PKHD1L1: variants seen among roughly 807,000 people sequenced by gnomAD.
The protein encoded by PKHD1L1 is PKHD1 like 1.
PKHD1L1 carries 434 observed loss-of-function variants against 462.9 expected under a neutral mutation model. That is an observed-to-expected ratio of 0.94 (90% CI 0.87 to 1.02). The LOEUF (loss-of-function observed/expected upper bound fraction) is 1.02. Among genes scored for constraint, PKHD1L1 ranks in the 50% least tolerant of loss-of-function variants. PKHD1L1 has a pLI of 0.00. For missense variants in PKHD1L1, 5,202 were observed against 5,096.1 expected (o/e 1.02, Z -0.63); for synonymous variants, 1,781 against 1,750.0 (o/e 1.02, Z -0.44).
intron 10 of PKHD1L1, among the ~76,000 whole-genome samples, chr8:109,395,373 C>T (rs73700876): frequency 0.012 from 1,844 of 152,052 alleles, 38 homozygotes; most frequent in African/African-American, 0.041. Flanking sequence ...ATGGAAAGAT[C>T]GTTTAGATTT....
At chr8:109,428,217 A>G (rs1266362685) in intron 25 of PKHD1L1, among the ~76,000 whole-genome samples, 1 of 152,114 alleles carries the variant, frequency 6.6e-6, no homozygotes, top group East Asian at 1.9e-4. Context: ...TACTGAAATA[A>G]TAAGATAAAT....
chr8:109,394,554 C>A, intron 10 of PKHD1L1, 69 bp downstream of exon 10: 2 of 1,060,188 alleles, frequency 1.9e-6, no homozygotes, highest in Non-Finnish European at 2.6e-6. Context: ...TTTAATCAAA[C>A]CAAAGACAAT....
chr8:109,512,911 C>T (rs1233015036), intron 71 of PKHD1L1, among the ~76,000 whole-genome samples: 2 of 151,944 alleles, frequency 1.3e-5, no homozygotes, highest in Non-Finnish European at 2.9e-5. Flanking sequence ...AGGTCCTTCA[C>T]ATCCCTTGTA....
chr8:109,527,768 T>C (rs1820892136), intron 77 of PKHD1L1, among the ~76,000 whole-genome samples: 1 of 152,156 alleles, frequency 6.6e-6, no homozygotes, highest in Admixed American at 6.5e-5. Context: ...CCAGGCTGAC[T>C]CCTCACCACC....
intron 1 of PKHD1L1, among the ~76,000 whole-genome samples, chr8:109,363,249 T>C (rs1458305537): frequency 6.6e-6 from 1 of 152,186 alleles, no homozygotes; most frequent in Admixed American, 6.5e-5. Context: ...TGTCTGGAGA[T>C]AGGATCCAGC....
chr8:109,430,232 A>T (rs1563533047), intron 27 of PKHD1L1, among the ~76,000 whole-genome samples, 195 bp downstream of exon 27: 1 of 152,198 alleles, frequency 6.6e-6, no homozygotes, highest in African/African-American at 2.4e-5. Context: ...ATTTTTGAAA[A>T]AAAAATATTT....
chr8:109,490,109 ATTTTC>A, intron 60 of PKHD1L1, 54 bp downstream of exon 60: 2 of 1,134,410 alleles, frequency 1.8e-6, no homozygotes, highest in Non-Finnish European at 2.5e-6. Flanking sequence ...AAATATTTTT[ATTTTC>A]ATTTGACTTC....
chr8:109,404,600 G>T lies in PKHD1L1; in HGVS notation c.1420G>T (p.Val474Phe). ...LLQEYRLSAFVDVGLYQYRNV... is the reference protein window; with the variant it reads ...LLQEYRLSAFFDVGLYQYRNV... Reference sequence around the variant, plus strand: ...GCAGGAGTACAGATTAAGTGCATTTGTTGATGTTGGACTGTACCAGTATCG... The same window carrying T: ...GCAGGAGTACAGATTAAGTGCATTTTTTGATGTTGGACTGTACCAGTATCG... Residue 474 changes from valine to phenylalanine, a missense_variant, in exon 15 of 78, where the codon GTT becomes TTT. Physicochemically the swap from Val to Phe is conservative, Grantham distance 50. Coordinates refer to ENST00000378402, the MANE Select transcript of PKHD1L1 (RefSeq NM_177531.6). The T allele has an allele frequency of 6.3e-7, 1 of 1,596,528 alleles. No homozygotes were observed. Among genetic ancestry groups the T allele is most frequent in the Non-Finnish European group, 8.5e-7 (1 of 1,170,764 alleles).
chr8:109,479,465 G>A (rs1337887073), intron 53 of PKHD1L1, 86 bp from the exon 54 acceptor site: 3 of 900,600 alleles, frequency 3.3e-6, no homozygotes, highest in African/African-American at 3.4e-5. Context: ...AAAATCTTAT[G>A]GGGAAATGGA....
intron 56 of PKHD1L1, among the ~76,000 whole-genome samples, chr8:109,482,730 C>A (rs1459892385): frequency 2.0e-5 from 3 of 151,482 alleles, no homozygotes; most frequent in Admixed American, 6.6e-5. Context: ...CCTTGTGTTT[C>A]TAAATATTGC....
At chr8:109,389,230 C>T in intron 8 of PKHD1L1, 78 bp downstream of exon 8, 3 of 1,050,020 alleles carry the variant, frequency 2.9e-6, no homozygotes, top group Non-Finnish European at 4.2e-6. Context: ...TCCTAGACCT[C>T]CCTCCTCTGC....
At chr8:109,398,385 G>A (rs1586429222) in intron 11 of PKHD1L1, 74 bp from the exon 12 acceptor site, 3 of 929,658 alleles carry the variant, frequency 3.2e-6, no homozygotes, top group South Asian at 1.4e-5. Context: ...TTGCAAAAGT[G>A]CTTAAAGATA....
In PKHD1L1 at chr8:109,522,843, G is replaced by T. The variant is rs1417003150; in HGVS notation, c.12283G>T (p.Gly4095Ter). 21 of 1,611,816 alleles carry T rather than the reference G, an allele frequency of 1.3e-5. No homozygotes were observed. The highest frequency in any genetic ancestry group is 1.7e-5 in the Non-Finnish European group (20 of 1,179,138). ...CACTCAGCCGGTGGCAGCACAGCCA[G>T]GACAGCCATTTCCTCAGCAGCCTTC... ...VITQPVAAQP[G>*]QPFPQQPSVK... The change falls in exon 75 of 78, where the codon GGA (glycine) becomes TGA (stop). Residue 4095 changes from glycine (G) to a stop codon, truncating the protein, a stop_gained. Coordinates refer to ENST00000378402, the MANE Select transcript of PKHD1L1 (RefSeq NM_177531.6). LOFTEE classifies it high-confidence loss of function.
chr8:109,369,049 G>C (rs1042826292), intron 2 of PKHD1L1, among the ~76,000 whole-genome samples: 1 of 151,486 alleles, frequency 6.6e-6, no homozygotes, highest in African/African-American at 2.4e-5. Flanking sequence ...GCACGATCTC[G>C]ACTCACTGCA....
chr8:109,482,891 A>C (rs1818339206), intron 56 of PKHD1L1, 96 bp from the exon 57 acceptor site: 1 of 716,384 alleles, frequency 1.4e-6, no homozygotes, highest in Admixed American at 4.0e-5. Flanking sequence ...ATGTTTAATC[A>C]CATAATAAAA....
chr8:109,479,172 G>A (rs1386987260), intron 53 of PKHD1L1, among the ~76,000 whole-genome samples: 1 of 152,012 alleles, frequency 6.6e-6, no homozygotes, highest in East Asian at 1.9e-4. Flanking sequence ...TTTCTAGAAG[G>A]CATAGTGATG....
At chr8:109,374,146 T>G (rs199764892) in intron 2 of PKHD1L1, among the ~76,000 whole-genome samples, 1 of 152,272 alleles carries the variant, frequency 6.6e-6, no homozygotes, top group South Asian at 2.1e-4. Context: ...AAGTCTCTCT[T>G]TAGGTCTCTC....
intron 67 of PKHD1L1, among the ~76,000 whole-genome samples, chr8:109,501,957 A>C (rs959905011): frequency 1.3e-5 from 2 of 152,028 alleles, no homozygotes; most frequent in African/African-American, 4.8e-5. Context: ...CCAGGAGTCC[A>C]TATTTATCCT....
At chr8:109,518,932 G>GAA (rs1021694979) in intron 73 of PKHD1L1, among the ~76,000 whole-genome samples, 34 of 152,270 alleles carry the variant, frequency 2.2e-4, no homozygotes, top group African/African-American at 7.9e-4. Flanking sequence ...GTCTGGAGTG[G>GAA]AAGGAGCCAG....
Sources: gnomAD v4.1 joint callset for allele counts (sites outside exome capture counted in the v4.1 genomes callset) on GRCh38, gnomAD v4.1.1 for gene constraint, MANE v1.5 for transcripts, NCBI Gene and HGNC (gene_info 2026-07-23, HGNC 2026-07-21) for gene names.